The following HTR4 variants were observed in gnomAD, a reference collection of about 807,000 sequenced individuals.
The protein encoded by HTR4 is 5-hydroxytryptamine (serotonin) receptor 4, G protein-coupled.
A neutral mutation model predicts 36.8 loss-of-function variants in HTR4; 16 were observed. The ratio of observed to expected loss-of-function variants is 0.43; its 90% CI spans 0.29 to 0.66. HTR4 has a LOEUF of 0.66. Among genes scored for constraint, HTR4 ranks in the 30% least tolerant of loss-of-function variants. The pLI, the probability that HTR4 is intolerant of heterozygous loss-of-function variation, is 0.13. For missense variants in HTR4, 438 were observed against 490.9 expected, an observed-to-expected ratio of 0.89 and a Z score of 1.02; for synonymous variants, 189 against 185.1, an observed-to-expected ratio of 1.02 and a Z score of -0.17.
At chr5:148,606,091 G>GA (rs1752151615) in intron 2 of HTR4, among the ~76,000 whole-genome samples, 2 of 152,078 alleles carry the variant, frequency 1.3e-5, no homozygotes, top group African/African-American at 4.8e-5. Flanking sequence ...AATACAAACA[G>GA]AAAGAAACTA....
At chr5:148,596,338 C>T (rs1761771311) in intron 2 of HTR4, among the ~76,000 whole-genome samples, 1 of 152,140 alleles carries the variant, frequency 6.6e-6, no homozygotes, top group South Asian at 2.1e-4. Flanking sequence ...CAGAAGCAAA[C>T]CTCAAATTTG....
intron 6 of HTR4, among the ~76,000 whole-genome samples, chr5:148,507,536 A>T (rs1490660628): frequency 6.6e-6 from 1 of 151,666 alleles, no homozygotes; most frequent in African/African-American, 2.4e-5. Context: ...AAAAATAAAT[A>T]AAATAAAATG....
At chr5:148,540,556 C>T (rs1433476284) in intron 4 of HTR4, among the ~76,000 whole-genome samples, 1 of 150,442 alleles carries the variant, frequency 6.6e-6, no homozygotes, top group Non-Finnish European at 1.5e-5. Flanking sequence ...AAGATGACTT[C>T]AAAAAGTTGT....
At position 148,482,270 on chromosome 5, in the gene HTR4, T is replaced by C. The variant is rs1755922938; in HGVS notation, c.*933A>G. ...CTCCTTTGGCAGCAACAAAGCCAGA[T>C]TGAAGGGTTTCAAAATGATATCACA... On this transcript the variant is annotated 3_prime_UTR_variant, in exon 7 of 7. Coordinates refer to ENST00000377888, the MANE Select transcript of HTR4 (RefSeq NM_000870.7). 2.0e-6 allele frequency: 2 copies of C among 985,338 alleles called. No homozygotes were observed. The highest frequency in any genetic ancestry group is 1.7e-5 in the African/African-American group (1 of 57,210). 61.0% of individuals were successfully genotyped at this position (985,338 alleles called of 1,614,324 possible).
At chr5:148,622,929 AC>A (rs1752967005) in intron 2 of HTR4, among the ~76,000 whole-genome samples, 2 of 152,182 alleles carry the variant, frequency 1.3e-5, no homozygotes, top group African/African-American at 4.8e-5. Context: ...ACCCCTAAAA[AC>A]CTATTTGTAA....
At chr5:148,461,629 A>G (rs753000716) in intron 5 of HTR4, among the ~76,000 whole-genome samples, 5 of 152,048 alleles carry the variant, frequency 3.3e-5, no homozygotes, top group Non-Finnish European at 7.4e-5. Context: ...GGCAAAAACT[A>G]AGAAGTGCAA....
intron 1 of HTR4, among the ~76,000 whole-genome samples, 198 bp downstream of exon 1, chr5:148,653,864 T>C (rs1754112037): frequency 6.6e-6 from 1 of 152,076 alleles, no homozygotes; most frequent in Non-Finnish European, 1.5e-5. Flanking sequence ...GATCCCACGC[T>C]GGAAACACGT....
chr5:148,652,347 T>G (rs1446422081), intron 1 of HTR4, among the ~76,000 whole-genome samples: 2 of 151,790 alleles, frequency 1.3e-5, no homozygotes, highest in South Asian at 4.2e-4. Context: ...CCAGCCTGGG[T>G]GATGTAGAGG....
chr5:148,549,990 T>C (rs572868779), intron 3 of HTR4, 147 bp downstream of exon 3: 8 of 763,668 alleles, frequency 1.0e-5, no homozygotes, highest in South Asian at 2.0e-5. Context: ...TTGCAATCCC[T>C]TTTTCTCCCC....
chr5:148,636,633 G>A (rs192016475), intron 2 of HTR4, among the ~76,000 whole-genome samples: 5 of 152,214 alleles, frequency 3.3e-5, no homozygotes, highest in East Asian at 1.9e-4. Context: ...AAAAAGCAAC[G>A]TGAATTTGTC....
At chr5:148,511,619 TTGTGTGTGTGTGTGTGTG>T (rs529668445) in intron 5 of HTR4, among the ~76,000 whole-genome samples, 1 of 139,276 alleles carries the variant, frequency 7.2e-6, no homozygotes, top group African/African-American at 2.6e-5. Context: ...TTGTGGAAGT[TTGTGTGTGTGTGTGTGTG>T]TGTGTGTGTG....
chr5:148,572,245 C>A (rs957526515), intron 2 of HTR4, among the ~76,000 whole-genome samples: 13 of 151,928 alleles, frequency 8.6e-5, no homozygotes, highest in African/African-American at 3.1e-4. Context: ...TACTATATGC[C>A]AGAAAGAGTC....
intron 5 of HTR4, among the ~76,000 whole-genome samples, chr5:148,465,189 G>A (rs1755392776): frequency 2.0e-5 from 3 of 152,218 alleles, no homozygotes; most frequent in Middle Eastern, 6.8e-3. Context: ...CAAGCCCACA[G>A]AATGTACAGT....
intron 3 of HTR4, 45 bp from the exon 4 acceptor site, chr5:148,548,913 A>G (rs1561612495): frequency 3.7e-6 from 5 of 1,349,646 alleles, no homozygotes; most frequent in Non-Finnish European, 5.3e-6. Context: ...GGAGGGATGA[A>G]GGGAAAAAGG....
intron 2 of HTR4, among the ~76,000 whole-genome samples, chr5:148,633,418 T>C (rs553932101): frequency 6.6e-6 from 1 of 152,020 alleles, no homozygotes; most frequent in East Asian, 1.9e-4. Context: ...TTAGGGTACA[T>C]GTGCACAATG....
At chr5:148,495,511 G>A (rs1036052833) in intron 6 of HTR4, among the ~76,000 whole-genome samples, 1 of 152,170 alleles carries the variant, frequency 6.6e-6, no homozygotes, top group Non-Finnish European at 1.5e-5. Flanking sequence ...GTCCTACAAT[G>A]TTCCAGGCAC....
At chr5:148,472,781 C>T (rs1029800263), downstream of HTR4, among the ~76,000 whole-genome samples, 3 of 152,050 alleles carry the variant, frequency 2.0e-5, no homozygotes, top group Admixed American at 6.6e-5. Context: ...TGGGAGTTGG[C>T]CCAGTTTTAC....
intron 4 of HTR4, among the ~76,000 whole-genome samples, chr5:148,537,732 A>G (rs2113825694): frequency 6.6e-6 from 1 of 152,234 alleles, no homozygotes; most frequent in Middle Eastern, 3.4e-3. Context: ...CTGAAATTAA[A>G]TCAGTAATAG....
Position 148,456,694 on chromosome 5 carries a change from CTCA to C in HTR4, c.1077-5425_1077-5423del, listed in dbSNP as rs1316202312. Among the ~76,000 whole-genome samples, 3 of 152,166 alleles carry C rather than the reference CTCA, an allele frequency of 2.0e-5. 1 individual carries two copies. The East Asian group carries it at 5.8e-4, about 29-fold the overall frequency. On this transcript the variant is annotated intron_variant, in intron 5 of 5. Coordinates refer to the HTR4 transcript ENST00000521530. ...ATTCAGAAAATGTGAGTTTCCTAGG[CTCA>C]AAGAAATAAATAAATCCGGAATCAT...
Sources: gnomAD v4.1 joint callset for allele counts (sites outside exome capture counted in the v4.1 genomes callset) on GRCh38, gnomAD v4.1.1 for gene constraint, MANE v1.5 for transcripts, NCBI Gene and HGNC (gene_info 2026-07-23, HGNC 2026-07-21) for gene names.